The following COL16A1 variants were observed in gnomAD, a reference collection of about 807,000 sequenced individuals.
The protein encoded by COL16A1 is collagen type XVI alpha 1 chain.
In COL16A1, 189 loss-of-function variants were observed where a neutral mutation model predicts 266.3. The ratio of observed to expected loss-of-function variants is 0.71; its 90% CI spans 0.63 to 0.80. The LOEUF (loss-of-function observed/expected upper bound fraction) is 0.80, where lower values mean the gene tolerates loss of function less well. COL16A1 is among the 30% of genes least tolerant of loss of function. The pLI, the probability that COL16A1 is intolerant of heterozygous loss-of-function variation, is 0.00. For missense variants in COL16A1, 1,928 were observed against 2,122.4 expected, an observed-to-expected ratio of 0.91 and a Z score of 1.80; for synonymous variants, 740 against 782.3, an observed-to-expected ratio of 0.95 and a Z score of 0.90.
intron 69 of COL16A1, 91 bp downstream of exon 69, chr1:31,653,768 CACACACAT>C (rs1316280978): frequency 2.5e-5 from 40 of 1,572,374 alleles, no homozygotes; most frequent in African/African-American, 6.8e-5. Flanking sequence ...CACACACACA[CACACACAT>C]ACATCCCATA....
At position 31,691,404 on chromosome 1, in the gene COL16A1, A is replaced by G; in HGVS notation, c.1398+13T>C. ...TGAGAAAAGCACAGCAGGAGAAGCAAGGGGGTACTCACCGGGGTCCCAGGC... is the reference window on the plus strand; with the variant it reads ...TGAGAAAAGCACAGCAGGAGAAGCAGGGGGGTACTCACCGGGGTCCCAGGC... On this transcript the variant is annotated intron_variant, in intron 19 of 70. Coordinates refer to ENST00000373672, the MANE Select transcript of COL16A1 (RefSeq NM_001856.4). 6.2e-7 allele frequency: 1 copy of G among 1,606,142 alleles called. No homozygotes were observed. The highest frequency in any genetic ancestry group is 1.1e-5 in the South Asian group (1 of 90,240).
intron 58 of COL16A1, among the ~76,000 whole-genome samples, chr1:31,661,978 C>T (rs1641711733): frequency 6.6e-6 from 1 of 152,202 alleles, no homozygotes; most frequent in African/African-American, 2.4e-5. Flanking sequence ...CCCAGCAAAA[C>T]CCCAGGAGCC....
intron 43 of COL16A1, 31 bp downstream of exon 43, chr1:31,675,227 G>A: frequency 6.2e-7 from 1 of 1,614,138 alleles, no homozygotes; most frequent in Non-Finnish European, 8.5e-7. Context: ...CAGGGAAGGG[G>A]CATGCACAGG....
chr1:31,662,057 T>C (rs904665673), intron 58 of COL16A1, among the ~76,000 whole-genome samples: 3 of 152,214 alleles, frequency 2.0e-5, no homozygotes, highest in African/African-American at 4.8e-5. Flanking sequence ...TTTCCTCAGC[T>C]GTCTTGAGTT....
chr1:31,662,674 GCCC>G lies in COL16A1; in HGVS notation c.3556-19_3556-17del. On this transcript the variant is annotated splice_polypyrimidine_tract_variant and intron_variant, in intron 56 of 70. Transcript: ENST00000373672. ...CTTCGCTGCCCTGGAAACCAGCGCCGCCCCCCCCCCCCGCCCCACAATAAAGTC... is the reference window on the plus strand; with the variant it reads ...CTTCGCTGCCCTGGAAACCAGCGCCGCCCCCCCCCGCCCCACAATAAAGTC... 1.4e-5 allele frequency: 18 copies of G among 1,263,428 alleles called. No individual in the cohort carries two copies. Among genetic ancestry groups the G allele is most frequent in the South Asian group, 1.5e-5 (1 of 67,400 alleles). The allele number at this position is 1,263,428 out of a possible 1,614,324, so 78.3% of individuals were successfully genotyped here.
chr1:31,668,897 C>T lies in COL16A1; in HGVS notation c.3196-42G>A. ...ATGAGAAACTGCAGGAGCCGGCGGTCCCCACCCAGCCCCTGACTCCTTCCC... is the reference window on the plus strand; with the variant it reads ...ATGAGAAACTGCAGGAGCCGGCGGTTCCCACCCAGCCCCTGACTCCTTCCC... On this transcript the variant is annotated intron_variant, in intron 49 of 70. Coordinates refer to ENST00000373672, the MANE Select transcript of COL16A1 (RefSeq NM_001856.4). The surrounding 1 kb of genome is among the most constrained non-coding windows in gnomAD (Gnocchi z 5.8). 2 of 1,544,902 alleles carry T rather than the reference C, an allele frequency of 1.3e-6. No individual in the cohort carries two copies. The highest frequency in any genetic ancestry group is 8.8e-7 in the Non-Finnish European group (1 of 1,130,494).
chr1:31,673,171 G>A (rs543154813), intron 44 of COL16A1: 12 of 393,340 alleles, frequency 3.1e-5, no homozygotes, highest in East Asian at 2.4e-4. Context: ...CACCCACTGC[G>A]AGGACAAGCC....
At position 31,670,940 on chromosome 1, in the gene COL16A1, C is replaced by A. The variant is rs754239413; in HGVS notation, c.3151-294G>T. On this transcript the variant is annotated intron_variant, in intron 48 of 70. Transcript: ENST00000373672. The surrounding 1 kb of genome is among the most constrained non-coding windows in gnomAD (Gnocchi z 4.5). ...ATCCGGTTGCAGCAGAAGCCCATTT[C>A]TTTCAGCCTTGCCCACCATGCCTGC... is the stretch of plus-strand genomic sequence containing the variant. 6.6e-6 allele frequency among the ~76,000 whole-genome samples: 1 copy of A among 152,196 alleles called. No individual in the cohort carries two copies. The highest frequency in any genetic ancestry group is 1.5e-5 in the Non-Finnish European group (1 of 68,034).
At position 31,664,244 on chromosome 1, in the gene COL16A1, CT is replaced by C. The variant is rs1641939022; in HGVS notation, c.3555+927del. Among the ~76,000 whole-genome samples the C allele has an allele frequency of 6.6e-6, 1 of 152,128 alleles. No individual in the cohort carries two copies. On this transcript the variant is annotated intron_variant, in intron 56 of 70. Transcript: ENST00000373672. This position sits in a 1 kb window ranked among gnomAD's most constrained non-coding sequence, Gnocchi z 5.5. The stretch of plus-strand genomic sequence containing the variant: ...CCCAAGCATGGCTGATCAGCATGGG[CT>C]CTGGGGAGGTAGTGAGGTGCCCGGG...
In COL16A1 at chr1:31,684,572, A is replaced by G; in HGVS notation, c.2111T>C (p.Leu704Pro). 1 of 1,613,752 alleles carries G rather than the reference A, an allele frequency of 6.2e-7. No homozygotes were observed. The highest frequency in any genetic ancestry group is 8.5e-7 in the Non-Finnish European group (1 of 1,179,974). Reference protein sequence around the residue: ...GTPGTTGRPGLSGEPGVQGPA... With the variant: ...GTPGTTGRPGPSGEPGVQGPA... ...GCCCTGAACTCCAGGCTCTCCTGAC[A>G]GTCCTGGCCGCCCTGTGGTGCCCGG... Residue 704 changes from leucine to proline, a missense_variant, in exon 31 of 71, where the codon CTG (leucine) becomes CCG (proline). Leu to Pro is a moderately conservative substitution (Grantham distance 98, BLOSUM62 -3). This residue lies in a region of COL16A1 where 1,552 missense variants were observed against 1,637.2 expected (regional missense o/e 0.95). Coordinates refer to ENST00000373672, the MANE Select transcript of COL16A1 (RefSeq NM_001856.4).
In COL16A1 at chr1:31,665,636, G is replaced by A. The variant is rs1486934850; in HGVS notation, c.3457-18C>T. 2.5e-6 allele frequency: 4 copies of A among 1,612,686 alleles called. No individual in the cohort carries two copies. Among genetic ancestry groups the A allele is most frequent in the East Asian group, 4.5e-5 (2 of 44,856 alleles). On this transcript the variant is annotated intron_variant, in intron 54 of 70. Coordinates refer to ENST00000373672, the MANE Select transcript of COL16A1 (RefSeq NM_001856.4). The stretch of plus-strand genomic sequence containing the variant: ...TGAAATCCCTAGGGTGAGAAGCAAG[G>A]GGCAGTGTGCTGTGCCACCCCCTCT...
chr1:31,680,871 C>G (rs367723902), intron 39 of COL16A1, 34 bp downstream of exon 39: 1 of 1,613,930 alleles, frequency 6.2e-7, no homozygotes, highest in African/African-American at 1.3e-5. Context: ...CTGCTAATCC[C>G]CTAGAATATG....
chr1:31,665,480 C>T (rs910798139), intron 55 of COL16A1, 103 bp downstream of exon 55: 1 of 1,601,556 alleles, frequency 6.2e-7, no homozygotes, highest in African/African-American at 1.3e-5. Context: ...TGCCTCTCCC[C>T]TCTTCTCCCC....
Position 31,652,838 on chromosome 1 carries a change from G to A in COL16A1, c.4628C>T (p.Pro1543Leu). The A allele has an allele frequency of 4.5e-6, 7 of 1,539,422 alleles. No individual in the cohort carries two copies. Among genetic ancestry groups the A allele is most frequent in the Middle Eastern group, 3.5e-4 (2 of 5,756 alleles). ...TGTTGCACCCATCTTGCCATAGCCT[G>A]GAGGACCTTGAGGACCTAGGGAGGG... Reference protein sequence around the residue: ...LPGPPGPQGPPGYGKMGATGP... With the variant: ...LPGPPGPQGPLGYGKMGATGP... The change falls in exon 71 of 71, where the codon CCA becomes CTA. Residue 1543 changes from proline (P) to leucine (L), a missense_variant. Physicochemically the swap from Pro to Leu is moderately conservative, Grantham distance 98 (BLOSUM62 -3). Coordinates refer to ENST00000373672, the MANE Select transcript of COL16A1 (RefSeq NM_001856.4). The surrounding 1 kb of genome is among the most constrained non-coding windows in gnomAD (Gnocchi z 4.8).
At position 31,698,546 on chromosome 1, in the gene COL16A1, C is replaced by T. The variant is rs201857498; in HGVS notation, c.327G>A (p.Lys109=). The part of the protein sequence containing the change: ...EFALVLTLLL[K]KHTHQKTWYL... ...ACCACGTCTTCTGGTGGGTGTGTTT[C>T]TTCAGCAGTAGTGTCAGCACCAGGG... Residue 109 remains lysine, a synonymous_variant, in exon 5 of 71, where the codon AAG becomes AAA. Coordinates refer to ENST00000373672, the MANE Select transcript of COL16A1 (RefSeq NM_001856.4). The surrounding 1 kb of genome is among the most constrained non-coding windows in gnomAD (Gnocchi z 4.1). 1,197 of 1,613,990 alleles carry T rather than the reference C, an allele frequency of 7.4e-4. 1 individual carries two copies. Among genetic ancestry groups the T allele is most frequent in the Non-Finnish European group, 8.1e-4 (957 of 1,180,016 alleles).
chr1:31,660,754 C>T, intron 61 of COL16A1, 116 bp from the exon 62 acceptor site: 1 of 1,449,084 alleles, frequency 6.9e-7, no homozygotes, highest in South Asian at 1.3e-5. Flanking sequence ...GCCAAAGGAG[C>T]TGGGCCAATT....
intron 3 of COL16A1, 49 bp downstream of exon 3, chr1:31,699,984 AGATCACTC>A (rs1644663985): frequency 1.9e-6 from 3 of 1,607,472 alleles, no homozygotes; most frequent in Admixed American, 3.3e-5. Flanking sequence ...AGAGGGGTAC[AGATCACTC>A]CCAGAGGAAG....
intron 10 of COL16A1, 84 bp from the exon 11 acceptor site, chr1:31,695,305 A>G: frequency 1.5e-6 from 2 of 1,320,226 alleles, no homozygotes; most frequent in Non-Finnish European, 1.1e-6. Flanking sequence ...AGGCCCACAG[A>G]ACATCACACA....
intron 58 of COL16A1, 27 bp downstream of exon 58, chr1:31,662,307 G>GGCCCCCCC: frequency 6.3e-7 from 1 of 1,598,010 alleles, no homozygotes; most frequent in Admixed American, 1.7e-5. Flanking sequence ...AGGAAGGGGT[G>GGCCCCCCC]CCCGCCCTCC....
Sources: gnomAD v4.1 joint callset for allele counts (sites outside exome capture counted in the v4.1 genomes callset) on GRCh38, gnomAD v4.1.1 for gene constraint, gnomAD v4.1.1 regional missense constraint, Gnocchi (gnomAD v3.1) non-coding constraint, MANE v1.5 for transcripts, NCBI Gene and HGNC (gene_info 2026-07-23, HGNC 2026-07-21) for gene names.